CDH2: variants seen among roughly 807,000 people sequenced by gnomAD.
The protein encoded by CDH2 is cadherin-2.
Under a neutral mutation model 92.0 loss-of-function variants are expected in CDH2, and 17 were observed. The ratio of observed to expected loss-of-function variants is 0.18; its 90% CI spans 0.13 to 0.28. The LOEUF is 0.28. CDH2 is among the 10% of genes least tolerant of loss of function. The pLI is 1.00. For synonymous variants in CDH2, 419 were observed against 415.9 expected, an observed-to-expected ratio of 1.01 and a Z score of -0.09; for missense variants, 862 against 1,133.1, an observed-to-expected ratio of 0.76 and a Z score of 3.44.
intron 7 of CDH2, among the ~76,000 whole-genome samples, chr18:27,994,300 GGT>G (rs1255209955): frequency 2.6e-5 from 4 of 152,044 alleles, no homozygotes; most frequent in African/African-American, 9.7e-5. Flanking sequence ...TTAGGATTTG[GGT>G]ATAACACTCA....
At chr18:27,998,704 C>T (rs376552958) in intron 7 of CDH2, among the ~76,000 whole-genome samples, 12 of 152,120 alleles carry the variant, frequency 7.9e-5, no homozygotes, top group East Asian at 7.7e-4. Context: ...CTTGACCACC[C>T]AGACTCAGGT....
intron 2 of CDH2, among the ~76,000 whole-genome samples, chr18:28,089,943 A>C (rs2015005665): frequency 6.6e-6 from 1 of 152,166 alleles, no homozygotes; most frequent in African/African-American, 2.4e-5. Context: ...TATCCACGTG[A>C]ATTATGCTCT....
intron 2 of CDH2, among the ~76,000 whole-genome samples, chr18:28,019,993 C>T (rs545960753): frequency 8.5e-4 from 129 of 152,208 alleles, no homozygotes; most frequent in Admixed American, 2.1e-3. Flanking sequence ...TGATTATATG[C>T]TTCTTCCATG....
At chr18:27,946,031 GGAATTTA>G (rs1909260307), downstream of CDH2, among the ~76,000 whole-genome samples, 2 of 152,102 alleles carry the variant, frequency 1.3e-5, no homozygotes, top group Non-Finnish European at 2.9e-5. Context: ...GGAATAATGT[GGAATTTA>G]GAACTGAAGG....
In CDH2 at chr18:28,046,159, G is replaced by C. The variant is rs576508345; in HGVS notation, c.173-32250C>G. 2.5e-4 allele frequency among the ~76,000 whole-genome samples: 38 copies of C among 152,194 alleles called. No homozygotes were observed. In the Middle Eastern group the frequency reaches 0.01, roughly 41 times the overall value. On this transcript the variant is annotated intron_variant, in intron 2 of 15. Coordinates refer to ENST00000269141, the MANE Select transcript of CDH2 (RefSeq NM_001792.5). ...AAATGACAATTTGAGAAACAGAAAG[G>C]CTTCACAGTCTAAATAATTTAAATA...
At chr18:28,087,806 A>G (rs2014962213) in intron 2 of CDH2, among the ~76,000 whole-genome samples, 1 of 152,106 alleles carries the variant, frequency 6.6e-6, no homozygotes, top group Admixed American at 6.6e-5. Context: ...AAACAAAACA[A>G]AACAAAACAA....
At chr18:28,118,901 T>C (rs1011286433) in intron 2 of CDH2, among the ~76,000 whole-genome samples, 21 of 152,146 alleles carry the variant, frequency 1.4e-4, no homozygotes, top group African/African-American at 5.1e-4. Flanking sequence ...TACTTTGTTA[T>C]GTTAAAAAAT....
chr18:27,952,864 G>A (rs1909532919), intron 15 of CDH2, among the ~76,000 whole-genome samples: 1 of 152,144 alleles, frequency 6.6e-6, no homozygotes, highest in South Asian at 2.1e-4. Flanking sequence ...ACAAAACTAT[G>A]AAGTCAAAGC....
chr18:28,120,694 G>GA (rs892913333), intron 2 of CDH2, among the ~76,000 whole-genome samples: 4 of 152,148 alleles, frequency 2.6e-5, no homozygotes, highest in African/African-American at 9.6e-5. Context: ...AAGTCAGAGA[G>GA]AAAACCTATG....
chr18:28,150,380 G>A (rs903001335), intron 1 of CDH2, among the ~76,000 whole-genome samples: 3 of 152,204 alleles, frequency 2.0e-5, no homozygotes, highest in Non-Finnish European at 2.9e-5. Flanking sequence ...GAGGAAAACC[G>A]TAAGCTTTTA....
chr18:28,076,011 T>A (rs1599081444), intron 2 of CDH2, among the ~76,000 whole-genome samples: 1 of 152,316 alleles, frequency 6.6e-6, no homozygotes, highest in Non-Finnish European at 1.5e-5. Context: ...TTTGTGATAT[T>A]ACTAGCAGCC....
At position 28,133,063 on chromosome 18, in the gene CDH2, C is replaced by T. The variant is rs1385905424; in HGVS notation, c.172+14610G>A. On this transcript the variant is annotated intron_variant, in intron 2 of 15. Coordinates refer to ENST00000269141, the MANE Select transcript of CDH2 (RefSeq NM_001792.5). ...CCATTCAAACTGCCCTTCTTGAAAT[C>T]AGCAATACCTGTCTGATCTGGTTCC... Among the ~76,000 whole-genome samples the T allele has an allele frequency of 3.9e-5, 6 of 152,178 alleles. No individual in the cohort carries two copies. In the East Asian group the frequency reaches 1.2e-3, roughly 29 times the overall value.
chr18:28,012,059 T>C, intron 3 of CDH2, 67 bp from the exon 4 acceptor site: 1 of 1,328,278 alleles, frequency 7.5e-7, no homozygotes, highest in Non-Finnish European at 1.1e-6. Context: ...ACATCAATAT[T>C]ATTGAATACC....
At chr18:28,001,192 A>G (rs2012754807) in intron 7 of CDH2, among the ~76,000 whole-genome samples, 1 of 152,206 alleles carries the variant, frequency 6.6e-6, no homozygotes, top group South Asian at 2.1e-4. Flanking sequence ...CCACTGGAAG[A>G]TAAACTTAAT....
intron 2 of CDH2, among the ~76,000 whole-genome samples, chr18:28,062,177 C>T (rs1253979802): frequency 1.3e-5 from 2 of 152,066 alleles, no homozygotes; most frequent in Non-Finnish European, 1.5e-5. Context: ...TTATTTTTTG[C>T]AATAAATTTT....
intron 2 of CDH2, among the ~76,000 whole-genome samples, chr18:28,117,801 AC>A (rs1450367048): frequency 6.6e-6 from 1 of 152,114 alleles, no homozygotes; most frequent in East Asian, 1.9e-4. Flanking sequence ...GAGGTCGTAC[AC>A]ACCAGGTAAG....
At chr18:28,073,019 A>C (rs138291082) in intron 2 of CDH2, among the ~76,000 whole-genome samples, 152 of 152,274 alleles carry the variant, frequency 1.0e-3, no homozygotes, top group Non-Finnish European at 1.8e-3. Flanking sequence ...ATAATGTCAC[A>C]TAAATTACAT....
At position 28,031,073 on chromosome 18, in the gene CDH2, C is replaced by T. The variant is rs2013683526; in HGVS notation, c.173-17164G>A. On this transcript the variant is annotated intron_variant, in intron 2 of 15. Transcript: ENST00000269141. ...TATATATGTCTAAACCGTGACCACT[C>T]CACTGAGATCTAGTATCCTACATCT... is the stretch of plus-strand genomic sequence containing the variant. Among the ~76,000 whole-genome samples, 3 of 151,220 alleles carry T rather than the reference C, an allele frequency of 2.0e-5. 1 individual carries two copies. The Admixed American group carries it at 2.0e-4, about 10-fold the overall frequency.
intron 7 of CDH2, among the ~76,000 whole-genome samples, chr18:27,998,098 T>A (rs966561867): frequency 6.6e-6 from 1 of 152,098 alleles, no homozygotes; most frequent in South Asian, 2.1e-4. Context: ...GAGCCACCAC[T>A]CCTGGCCAAC....
Sources: allele counts gnomAD v4.1 joint callset (sites outside exome capture counted in the v4.1 genomes callset), GRCh38; gene constraint gnomAD v4.1.1; transcripts MANE v1.5; gene names NCBI Gene and HGNC (gene_info 2026-07-23, HGNC 2026-07-21).